The following LRRTM4 variants were observed in gnomAD, a reference collection of about 807,000 sequenced individuals.
LRRTM4 encodes the protein leucine-rich repeat transmembrane neuronal protein 4.
Under a neutral mutation model 47.6 loss-of-function variants are expected in LRRTM4, and 25 were observed. The observed-to-expected ratio is 0.53, with a 90% CI of 0.38 to 0.73. The LOEUF (loss-of-function observed/expected upper bound fraction) is 0.73. Ranked by LOEUF, LRRTM4 falls within the 30% of genes least tolerant of loss-of-function variation. The probability of loss-of-function intolerance (pLI) is 0.00; values close to 1 mark genes in which losing one functional copy is unlikely to be tolerated. For synonymous variants in LRRTM4, 311 were observed against 269.5 expected, an observed-to-expected ratio of 1.15 and a Z score of -1.51; for missense variants, 638 against 713.4, an observed-to-expected ratio of 0.89 and a Z score of 1.20.
intron 3 of LRRTM4, among the ~76,000 whole-genome samples, chr2:76,875,622 T>G (rs1672755975): frequency 6.6e-6 from 1 of 152,082 alleles, no homozygotes; most frequent in African/African-American, 2.4e-5. Context: ...CTGGCAAACA[T>G]TAGCAAAAAA....
At chr2:77,000,955 T>G (rs1237460043) in intron 3 of LRRTM4, among the ~76,000 whole-genome samples, 2 of 152,124 alleles carry the variant, frequency 1.3e-5, no homozygotes, top group Non-Finnish European at 2.9e-5. Flanking sequence ...CAAAAGAAGC[T>G]ACCTTATACC....
chr2:77,479,161 G>A (rs1448866592), intron 3 of LRRTM4, among the ~76,000 whole-genome samples: 1 of 152,132 alleles, frequency 6.6e-6, no homozygotes, highest in Non-Finnish European at 1.5e-5. Context: ...CCCCCAGAGT[G>A]CTGGGATTAT....
intron 3 of LRRTM4, among the ~76,000 whole-genome samples, chr2:76,971,674 G>A (rs1558769894): frequency 6.6e-6 from 1 of 151,936 alleles, no homozygotes; most frequent in Non-Finnish European, 1.5e-5. Context: ...TTGGAATTGA[G>A]AACTTAAGAG....
intron 3 of LRRTM4, among the ~76,000 whole-genome samples, chr2:77,356,031 C>T (rs902619083): frequency 7.9e-5 from 12 of 152,112 alleles, no homozygotes; most frequent in African/African-American, 2.9e-4. Flanking sequence ...AAGGTAGAGG[C>T]TGCAGTGAGC....
At chr2:77,110,048 C>A (rs1177702667) in intron 3 of LRRTM4, among the ~76,000 whole-genome samples, 2 of 151,932 alleles carry the variant, frequency 1.3e-5, no homozygotes, top group Non-Finnish European at 1.5e-5. Flanking sequence ...GAGAAAAATG[C>A]AAAAATGTAT....
intron 3 of LRRTM4, among the ~76,000 whole-genome samples, chr2:76,993,300 G>A (rs571243546): frequency 9.9e-5 from 15 of 151,408 alleles, no homozygotes; most frequent in Non-Finnish European, 1.8e-4. Flanking sequence ...TTTTGCACAG[G>A]ATAAAAAAAG....
chr2:77,186,731 A>G (rs907385791), intron 3 of LRRTM4, among the ~76,000 whole-genome samples: 6 of 152,142 alleles, frequency 3.9e-5, no homozygotes, highest in African/African-American at 2.4e-5. Flanking sequence ...TTTCAATTAT[A>G]TGATTCCTTC....
intron 3 of LRRTM4, among the ~76,000 whole-genome samples, chr2:76,924,671 G>C (rs1674533201): frequency 6.6e-6 from 1 of 151,782 alleles, no homozygotes; most frequent in African/African-American, 2.4e-5. Flanking sequence ...TTTTGCATTG[G>C]CTTATGCATG....
At chr2:76,968,269 T>G (rs1048433675) in intron 3 of LRRTM4, among the ~76,000 whole-genome samples, 4 of 145,650 alleles carry the variant, frequency 2.7e-5, no homozygotes, top group African/African-American at 1.0e-4. Flanking sequence ...AAAAAACAAA[T>G]CTGGCAATGA....
rs187147701 is a variant in LRRTM4 at position 76,994,249 on chromosome 2, C to A, written c.1552-245333G>T. ...ACACGTAACAAACCTGCACATGTAT[C>A]CCCTTGAATCTAAAGCAGAAGTTGA... is the stretch of plus-strand genomic sequence containing the variant. On this transcript the variant is annotated intron_variant, in intron 3 of 3. Transcript: ENST00000409884. Among the ~76,000 whole-genome samples the A allele has an allele frequency of 3.3e-3, 504 of 151,560 alleles. 1 individual carries two copies. Among genetic ancestry groups the A allele is most frequent in the Middle Eastern group, 6.8e-3 (2 of 294 alleles).
At chr2:77,353,465 A>C (rs886126448) in intron 3 of LRRTM4, among the ~76,000 whole-genome samples, 10 of 152,278 alleles carry the variant, frequency 6.6e-5, no homozygotes, top group African/African-American at 1.7e-4. Context: ...ATAATACAAA[A>C]ATCTATTACC....
rs530010836 is a variant in LRRTM4, at chr2:77,085,899, T to C, written c.1552-336983A>G. On this transcript the variant is annotated intron_variant, in intron 3 of 3. Coordinates refer to ENST00000409884, the MANE Select transcript of LRRTM4 (RefSeq NM_001134745.3). ...ATTTCCTGTTGGCCTATTTCTAGCC[T>C]CACAAAACTTATGTGGGTAATGAGG... Among the ~76,000 whole-genome samples the C allele has an allele frequency of 8.8e-4, 134 of 152,282 alleles. 1 individual carries two copies. The highest frequency in any genetic ancestry group is 3.0e-3 in the African/African-American group (126 of 41,558).
chr2:77,400,012 T>G (rs991207205), intron 3 of LRRTM4, among the ~76,000 whole-genome samples: 1 of 151,808 alleles, frequency 6.6e-6, no homozygotes, highest in Non-Finnish European at 1.5e-5. Flanking sequence ...GTCCCTATAT[T>G]ATAGTGTTAA....
At chr2:77,437,608 C>T (rs1351412777) in intron 3 of LRRTM4, among the ~76,000 whole-genome samples, 2 of 152,026 alleles carry the variant, frequency 1.3e-5, no homozygotes, top group African/African-American at 4.8e-5. Context: ...ATTAGCATTA[C>T]TCTGCAAAAG....
chr2:77,332,096 A>T lies in LRRTM4; in HGVS notation c.1551+186222T>A, dbSNP rs1216698980. ...CTTTCATCCCCAGTTTTCTAGAAAA[A>T]TCCTTTTCATATTTTAAACTGTCCA... On this transcript the variant is annotated intron_variant, in intron 3 of 3. Transcript: ENST00000409884. Among the ~76,000 whole-genome samples, 4 of 152,148 alleles carry T rather than the reference A, an allele frequency of 2.6e-5. No homozygotes were observed. The East Asian group carries it at 7.7e-4, about 29-fold the overall frequency.
At chr2:77,263,206 A>T (rs1404669523) in intron 3 of LRRTM4, among the ~76,000 whole-genome samples, 1 of 152,096 alleles carries the variant, frequency 6.6e-6, no homozygotes, top group Non-Finnish European at 1.5e-5. Context: ...AGAGTGATGC[A>T]CCTGGAGAGG....
intron 3 of LRRTM4, among the ~76,000 whole-genome samples, chr2:77,365,691 G>A (rs1242725086): frequency 6.6e-6 from 1 of 151,322 alleles, no homozygotes; most frequent in African/African-American, 2.4e-5. Flanking sequence ...AAACTTGATG[G>A]AATACTATGA....
intron 3 of LRRTM4, among the ~76,000 whole-genome samples, chr2:76,781,599 C>G (rs1030834325): frequency 1.3e-5 from 2 of 152,224 alleles, no homozygotes; most frequent in African/African-American, 4.8e-5. Flanking sequence ...GGCAATGCCT[C>G]GCCCTGCTTC....
At chr2:76,973,778 TAAC>T (rs1344566581) in intron 3 of LRRTM4, among the ~76,000 whole-genome samples, 6 of 151,948 alleles carry the variant, frequency 3.9e-5, no homozygotes, top group Admixed American at 3.9e-4. Flanking sequence ...TAGAATAGAA[TAAC>T]CAAAGTAGTG....
Sources: allele counts gnomAD v4.1 joint callset (sites outside exome capture counted in the v4.1 genomes callset), GRCh38; gene constraint gnomAD v4.1.1; transcripts MANE v1.5; gene names NCBI Gene and HGNC (gene_info 2026-07-23, HGNC 2026-07-21).